CNTN5: variants seen among roughly 807,000 people sequenced by gnomAD.
CNTN5 encodes the protein contactin-5.
CNTN5 carries 77 observed loss-of-function variants against 129.1 expected under a neutral mutation model. The ratio of observed to expected loss-of-function variants is 0.60; its 90% CI spans 0.50 to 0.72. CNTN5 has a LOEUF of 0.72. CNTN5 is among the 30% of genes least tolerant of loss of function. The pLI is 0.00. For synonymous variants in CNTN5, 509 were observed against 465.6 expected, an observed-to-expected ratio of 1.09 and a Z score of -1.20; for missense variants, 1,478 against 1,328.8, an observed-to-expected ratio of 1.11 and a Z score of -1.75.
At chr11:99,790,881 G>A (rs530350173) in intron 3 of CNTN5, among the ~76,000 whole-genome samples, 2 of 151,980 alleles carry the variant, frequency 1.3e-5, no homozygotes, top group East Asian at 3.9e-4. Context: ...GTCTTATTCT[G>A]CTTTTGATTT....
At chr11:99,975,151 G>A (rs1937860207) in intron 8 of CNTN5, among the ~76,000 whole-genome samples, 1 of 152,176 alleles carries the variant, frequency 6.6e-6, no homozygotes. Flanking sequence ...TGGAAATTTA[G>A]AGGCAAAGGA....
chr11:99,111,820 T>G (rs895850018), intron 1 of CNTN5, among the ~76,000 whole-genome samples: 4 of 152,064 alleles, frequency 2.6e-5, no homozygotes, highest in African/African-American at 9.7e-5. Flanking sequence ...GAATTCTATA[T>G]TTGTCCTAAT....
intron 9 of CNTN5, among the ~76,000 whole-genome samples, chr11:100,011,368 C>G (rs1270861516): frequency 6.6e-6 from 1 of 151,426 alleles, no homozygotes; most frequent in Non-Finnish European, 1.5e-5. Flanking sequence ...AAGCCAAACG[C>G]TACAAAACAA....
intron 9 of CNTN5, among the ~76,000 whole-genome samples, chr11:100,032,452 G>T (rs1165263645): frequency 1.3e-5 from 2 of 151,834 alleles, no homozygotes; most frequent in African/African-American, 4.8e-5. Flanking sequence ...ATGTTCTAGA[G>T]ACAAAAAGTG....
chr11:99,459,784 T>C (rs920566629), intron 2 of CNTN5, among the ~76,000 whole-genome samples: 2 of 152,122 alleles, frequency 1.3e-5, no homozygotes, highest in African/African-American at 4.8e-5. Flanking sequence ...ATGTGTCTTA[T>C]GAGAGAAATA....
chr11:99,854,181 A>G (rs919161165), intron 6 of CNTN5, among the ~76,000 whole-genome samples: 8 of 152,090 alleles, frequency 5.3e-5, no homozygotes, highest in African/African-American at 1.9e-4. Flanking sequence ...GGAATACCTG[A>G]CCACTTTTTC....
intron 3 of CNTN5, among the ~76,000 whole-genome samples, chr11:99,747,735 G>C (rs1944101711): frequency 6.6e-6 from 1 of 152,148 alleles, no homozygotes; most frequent in African/African-American, 2.4e-5. Flanking sequence ...GCCTCCCAAA[G>C]TGCTGGGATT....
At chr11:99,914,017 A>G (rs577287411) in intron 6 of CNTN5, among the ~76,000 whole-genome samples, 1 of 152,244 alleles carries the variant, frequency 6.6e-6, no homozygotes, top group African/African-American at 2.4e-5. Flanking sequence ...TGGGAAACAG[A>G]GGCCAGAGGA....
intron 3 of CNTN5, among the ~76,000 whole-genome samples, chr11:99,805,457 A>G (rs1177723676): frequency 6.6e-6 from 1 of 152,158 alleles, no homozygotes; most frequent in Admixed American, 6.5e-5. Context: ...AATTAGAAAT[A>G]TTGTTTGTCA....
At chr11:100,337,533 C>G in intron 21 of CNTN5, 1 of 740,840 alleles carries the variant, frequency 1.3e-6, no homozygotes, top group Non-Finnish European at 2.5e-6. Context: ...GTCTGTATCC[C>G]CAGTCAAGCA....
At chr11:99,996,400 T>C (rs767460575) in intron 8 of CNTN5, among the ~76,000 whole-genome samples, 1 of 152,196 alleles carries the variant, frequency 6.6e-6, no homozygotes, top group Non-Finnish European at 1.5e-5. Flanking sequence ...ACTCTGATAA[T>C]CAATGCTCTC....
intron 9 of CNTN5, among the ~76,000 whole-genome samples, chr11:100,028,494 A>T (rs1264325780): frequency 6.6e-6 from 1 of 152,088 alleles, no homozygotes; most frequent in Admixed American, 6.5e-5. Flanking sequence ...TTATTATTTC[A>T]CCCTAGTTTT....
intron 2 of CNTN5, among the ~76,000 whole-genome samples, chr11:99,406,661 G>A (rs1942082108): frequency 6.6e-6 from 1 of 152,170 alleles, no homozygotes; most frequent in Non-Finnish European, 1.5e-5. Flanking sequence ...CCAGGACTTG[G>A]ACAGGTCCAG....
chr11:99,839,866 T>G (rs969355762), intron 4 of CNTN5, among the ~76,000 whole-genome samples: 4 of 151,978 alleles, frequency 2.6e-5, no homozygotes, highest in African/African-American at 7.2e-5. Context: ...TGGAGAGAAC[T>G]TTTTTTCTTT....
At chr11:99,608,206 T>C (rs1219014811) in intron 3 of CNTN5, among the ~76,000 whole-genome samples, 1 of 152,102 alleles carries the variant, frequency 6.6e-6, no homozygotes, top group Non-Finnish European at 1.5e-5. Flanking sequence ...TTCAATAAAA[T>C]GTTTAATAAA....
chr11:99,108,329 G>T (rs1565323407), intron 1 of CNTN5, among the ~76,000 whole-genome samples: 1 of 152,074 alleles, frequency 6.6e-6, no homozygotes, highest in Non-Finnish European at 1.5e-5. Context: ...AAAATATGAT[G>T]CCTACACAAC....
chr11:100,123,562 T>A (rs1341610975), intron 13 of CNTN5, among the ~76,000 whole-genome samples: 1 of 152,024 alleles, frequency 6.6e-6, no homozygotes, highest in Non-Finnish European at 1.5e-5. Flanking sequence ...CTTCCCTAAA[T>A]TTTTTATTGA....
chr11:99,525,650 A>G (rs1433164861), intron 2 of CNTN5, among the ~76,000 whole-genome samples: 1 of 152,240 alleles, frequency 6.6e-6, no homozygotes. Context: ...AAGTTTGAAG[A>G]AATGCATAGA....
intron 3 of CNTN5, among the ~76,000 whole-genome samples, chr11:99,708,381 T>A (rs1954838548): frequency 6.6e-6 from 1 of 151,792 alleles, no homozygotes; most frequent in African/African-American, 2.4e-5. Flanking sequence ...ATTTGACGTT[T>A]GCATGACAAA....
Sources: allele counts gnomAD v4.1 joint callset (sites outside exome capture counted in the v4.1 genomes callset), GRCh38; gene constraint gnomAD v4.1.1; transcripts MANE v1.5; gene names NCBI Gene and HGNC (gene_info 2026-07-23, HGNC 2026-07-21).